Variants in MBD2 observed in about 807,000 individuals in gnomAD.
MBD2 encodes methyl-CpG binding domain protein 2, also known as methyl-CpG-binding domain protein 2.
Under a neutral mutation model 39.3 loss-of-function variants are expected in MBD2, and 9 were observed. The observed-to-expected ratio is 0.23, with a 90% CI of 0.14 to 0.40. The LOEUF is 0.40. MBD2 is among the 10% of genes least tolerant of loss of function. The probability of loss-of-function intolerance (pLI) is 1.00; values close to 1 mark genes in which losing one functional copy is unlikely to be tolerated. For synonymous variants in MBD2, 233 were observed against 211.1 expected (o/e 1.10, Z -0.90); for missense variants, 458 against 532.6 (o/e 0.86, Z 1.38).
chr18:54,200,190 G>A (rs1465776982), intron 2 of MBD2, among the ~76,000 whole-genome samples: 2 of 151,960 alleles, frequency 1.3e-5, no homozygotes, highest in Non-Finnish European at 2.9e-5. Context: ...ATAGAGAAAT[G>A]TGACGAAAGA....
At chr18:54,207,186 T>C (rs1030482441) in intron 1 of MBD2, among the ~76,000 whole-genome samples, 6 of 152,238 alleles carry the variant, frequency 3.9e-5, no homozygotes, top group South Asian at 2.1e-4. Context: ...CCAGCTTTGG[T>C]AGCCTACATT....
chr18:54,204,492 C>T (rs1298165716), intron 2 of MBD2, among the ~76,000 whole-genome samples: 2 of 152,098 alleles, frequency 1.3e-5, no homozygotes, highest in Non-Finnish European at 2.9e-5. Context: ...AACTATCAAC[C>T]AAACAGCTCG....
intron 3 of MBD2, among the ~76,000 whole-genome samples, chr18:54,185,722 C>T (rs928181585): frequency 6.6e-6 from 1 of 152,030 alleles, no homozygotes; most frequent in East Asian, 1.9e-4. Flanking sequence ...GGCAGAGTTC[C>T]CTCCTCCCCA....
At chr18:54,221,361 G>C (rs2086610340) in intron 1 of MBD2, among the ~76,000 whole-genome samples, 1 of 149,612 alleles carries the variant, frequency 6.7e-6, no homozygotes, top group Non-Finnish European at 1.5e-5. Context: ...GGGAGGCTGA[G>C]GCAGGAGAAT....
chr18:54,213,915 A>C (rs1029101462), intron 1 of MBD2, among the ~76,000 whole-genome samples: 1 of 152,174 alleles, frequency 6.6e-6, no homozygotes. Flanking sequence ...ATACACACAC[A>C]TATTAATATT....
chr18:54,170,875 G>T (rs1408710172), intron 3 of MBD2, among the ~76,000 whole-genome samples: 1 of 152,136 alleles, frequency 6.6e-6, no homozygotes, highest in African/African-American at 2.4e-5. Context: ...TCCAACCCAA[G>T]AAATTGTATG....
At chr18:54,162,556 A>G (rs1347816652) in intron 5 of MBD2, among the ~76,000 whole-genome samples, 4 of 152,240 alleles carry the variant, frequency 2.6e-5, no homozygotes, top group Non-Finnish European at 5.9e-5. Context: ...TAGTTTCCTC[A>G]ACTATCAAAA....
At chr18:54,214,003 CTTTT>C (rs529774043) in intron 1 of MBD2, among the ~76,000 whole-genome samples, 2 of 129,320 alleles carry the variant, frequency 1.5e-5, no homozygotes, top group Non-Finnish European at 3.4e-5. Flanking sequence ...TTCTTTCTTT[CTTTT>C]TTTTTTTTTT....
Position 54,159,882 on chromosome 18 carries a change from C to T in MBD2, c.1131G>A (p.Gln377=), listed in dbSNP as rs761752766. The T allele has an allele frequency of 1.9e-6, 3 of 1,612,358 alleles. No homozygotes were observed. Among genetic ancestry groups the T allele is most frequent in the Middle Eastern group, 1.6e-4 (1 of 6,084 alleles). Reference sequence around the variant, plus strand: ...CTTCTTCCAATTTCTTGCGTACTTGCTGTACTCGCTCTTCCTGTTTCCTTT... The same window carrying T: ...CTTCTTCCAATTTCTTGCGTACTTGTTGTACTCGCTCTTCCTGTTTCCTTT... The part of the protein sequence containing the change: ...EDIRKQEERV[Q]QVRKKLEEAL... The change falls in exon 6 of 7, where the codon CAG becomes CAA. Residue 377 remains glutamine, a synonymous_variant. Coordinates refer to ENST00000256429, the MANE Select transcript of MBD2 (RefSeq NM_003927.5).
intron 6 of MBD2, among the ~76,000 whole-genome samples, chr18:54,156,118 A>G (rs1568076034): frequency 1.3e-5 from 2 of 152,182 alleles, no homozygotes; most frequent in Non-Finnish European, 2.9e-5. Flanking sequence ...TGCCCAACTA[A>G]GTCCTACCTA....
intron 2 of MBD2, among the ~76,000 whole-genome samples, chr18:54,191,817 T>C (rs2086321669): frequency 6.6e-6 from 1 of 152,258 alleles, no homozygotes; most frequent in South Asian, 2.1e-4. Context: ...TCTCATTTTT[T>C]TCCCCCAATG....
At chr18:54,219,257 T>G (rs749351341) in intron 1 of MBD2, among the ~76,000 whole-genome samples, 4 of 152,212 alleles carry the variant, frequency 2.6e-5, no homozygotes, top group Non-Finnish European at 4.4e-5. Flanking sequence ...AATTAGAAAC[T>G]ACAAAATGCA....
intron 3 of MBD2, among the ~76,000 whole-genome samples, chr18:54,178,049 G>A (rs1439869329): frequency 1.3e-5 from 2 of 151,628 alleles, no homozygotes; most frequent in East Asian, 1.9e-4. Flanking sequence ...CACTTTCTTG[G>A]CAGGCTGCTC....
At chr18:54,223,985 C>A (rs747973887) in intron 1 of MBD2, 33 bp downstream of exon 1, 6 of 1,479,266 alleles carry the variant, frequency 4.1e-6, no homozygotes, top group Non-Finnish European at 5.6e-6. Context: ...CCGGCCTGAC[C>A]CCGCCACCCC....
At chr18:54,165,596 T>C (rs990633617) in intron 4 of MBD2, among the ~76,000 whole-genome samples, 2 of 152,216 alleles carry the variant, frequency 1.3e-5, no homozygotes, top group African/African-American at 4.8e-5. Context: ...CTGGCTGCTG[T>C]TGCTGGACCA....
intron 1 of MBD2, among the ~76,000 whole-genome samples, chr18:54,221,748 G>A (rs1288694473): frequency 1.3e-5 from 2 of 151,858 alleles, no homozygotes; most frequent in African/African-American, 2.4e-5. Flanking sequence ...CAGCCTGGGC[G>A]ACAGAGCTAG....
intron 2 of MBD2, among the ~76,000 whole-genome samples, chr18:54,195,931 A>G (rs2086362544): frequency 6.6e-6 from 1 of 152,206 alleles, no homozygotes; most frequent in African/African-American, 2.4e-5. Context: ...GGTCAAATCA[A>G]GGCTATTCTC....
intron 3 of MBD2, among the ~76,000 whole-genome samples, chr18:54,166,369 G>A (rs918699500): frequency 6.6e-6 from 1 of 152,016 alleles, no homozygotes; most frequent in South Asian, 2.1e-4. Context: ...GCTCAAAAAA[G>A]GTTGTTTTAC....
At chr18:54,222,886 A>G (rs968821321) in intron 1 of MBD2, among the ~76,000 whole-genome samples, 2 of 152,236 alleles carry the variant, frequency 1.3e-5, no homozygotes, top group Non-Finnish European at 2.9e-5. Context: ...AATCTAGTTA[A>G]AAGTATTTTT....
Sources: allele counts gnomAD v4.1 joint callset (sites outside exome capture counted in the v4.1 genomes callset), GRCh38; gene constraint gnomAD v4.1.1; transcripts MANE v1.5; gene names NCBI Gene and HGNC (gene_info 2026-07-23, HGNC 2026-07-21).